The following ARHGAP6 variants were observed in gnomAD, a reference collection of about 807,000 sequenced individuals.
The protein encoded by ARHGAP6 is Rho GTPase activating protein 6.
Under a neutral mutation model 55.7 loss-of-function variants are expected in ARHGAP6, and 16 were observed. The ratio of observed to expected loss-of-function variants is 0.29; its 90% confidence interval spans 0.19 to 0.44. ARHGAP6 has a LOEUF of 0.44. Among genes scored for constraint, ARHGAP6 ranks in the 20% least tolerant of loss-of-function variants. The pLI, the probability that ARHGAP6 is intolerant of heterozygous loss-of-function variation, is 1.00. For missense variants in ARHGAP6, 698 were observed against 808.9 expected (o/e 0.86, Z 1.66); for synonymous variants, 382 against 360.9 (o/e 1.06, Z -0.66).
At chrX:11,535,434 T>G (rs1470154267) in intron 1 of ARHGAP6, among the ~76,000 whole-genome samples, 1 of 112,213 alleles carries the variant, frequency 8.9e-6, no homozygotes, top group African/African-American at 3.2e-5. Context: ...AACCAACATC[T>G]ACTGAAGAGC....
At chrX:11,174,530 C>CTTCT (rs2046143292) in intron 8 of ARHGAP6, among the ~76,000 whole-genome samples, 1 of 55,373 alleles carries the variant, frequency 1.8e-5, no homozygotes, top group Admixed American at 2.0e-4. Context: ...TCCTTCCTTC[C>CTTCT]TTCCTTCCTT....
intron 1 of ARHGAP6, among the ~76,000 whole-genome samples, chrX:11,619,851 G>C (rs1212960858): frequency 3.6e-5 from 4 of 111,521 alleles, no homozygotes; most frequent in Non-Finnish European, 5.7e-5. Flanking sequence ...AAAGGGCTGG[G>C]GTAGGTTCCA....
At chrX:11,190,398 C>T (rs1490894825) in intron 3 of ARHGAP6, among the ~76,000 whole-genome samples, 1 of 104,282 alleles carries the variant, frequency 9.6e-6, no homozygotes, top group Non-Finnish European at 2.0e-5. Context: ...GCTGTGTCTA[C>T]TACTAGCAAA....
intron 1 of ARHGAP6, among the ~76,000 whole-genome samples, chrX:11,464,322 T>C (rs2050273105): frequency 8.9e-6 from 1 of 112,468 alleles, no homozygotes; most frequent in Non-Finnish European, 1.9e-5. Flanking sequence ...TGAGCTTTTC[T>C]TGATCGGCAT....
intron 1 of ARHGAP6, among the ~76,000 whole-genome samples, chrX:11,328,207 A>G (rs1245359055): frequency 8.9e-6 from 1 of 112,244 alleles, no homozygotes; most frequent in East Asian, 2.8e-4. Flanking sequence ...TGAACTTTGC[A>G]CATACATCTC....
chrX:11,600,347 C>T (rs5979431), intron 1 of ARHGAP6, among the ~76,000 whole-genome samples: 20,274 of 111,593 alleles, frequency 0.18, 1,524 homozygotes, highest in African/African-American at 0.26. Flanking sequence ...GAAACACTCT[C>T]GCATTCTATT....
rs538307775 is a variant in ARHGAP6 at position 11,357,502 on chromosome X, T to C, written c.589-102795A>G. 5.4e-5 allele frequency among the ~76,000 whole-genome samples: 6 copies of C among 111,963 alleles called. No homozygotes were observed. In the South Asian group the frequency reaches 2.2e-3, roughly 42 times the overall value. On this transcript the variant is annotated intron_variant, in intron 1 of 12. Coordinates refer to ENST00000337414, the MANE Select transcript of ARHGAP6 (RefSeq NM_013427.3). ...GGGAAACTTACATCCTACACTCTTA[T>C]GATTTGGCTCATGGCTTTATTGTTC...
intron 1 of ARHGAP6, among the ~76,000 whole-genome samples, chrX:11,477,466 A>T (rs2050415074): frequency 8.9e-6 from 1 of 111,827 alleles, no homozygotes; most frequent in Non-Finnish European, 1.9e-5. Context: ...AAAGTTAAAC[A>T]TACGCTTACC....
intron 1 of ARHGAP6, among the ~76,000 whole-genome samples, chrX:11,441,552 C>A (rs1483543000): frequency 9.0e-6 from 1 of 111,574 alleles, no homozygotes; most frequent in Non-Finnish European, 1.9e-5. Flanking sequence ...TCCCCCAACT[C>A]AACTGTCCTC....
chrX:11,394,861 A>C (rs890926549), intron 1 of ARHGAP6, among the ~76,000 whole-genome samples: 2 of 111,989 alleles, frequency 1.8e-5, no homozygotes, highest in African/African-American at 6.5e-5. Context: ...GCATCTGAAC[A>C]ACTATCAGGA....
intron 1 of ARHGAP6, among the ~76,000 whole-genome samples, chrX:11,491,417 T>C (rs1603230310): frequency 1.9e-5 from 2 of 106,390 alleles, no homozygotes. Context: ...CCTGTTTCCA[T>C]GTGTTCTCAT....
intron 1 of ARHGAP6, among the ~76,000 whole-genome samples, chrX:11,547,331 T>C (rs2051221470): frequency 1.8e-5 from 2 of 112,318 alleles, no homozygotes; most frequent in Admixed American, 9.4e-5. Flanking sequence ...TGAATGTGCA[T>C]AGCGATCACT....
chrX:11,346,231 C>T (rs1372602040), intron 1 of ARHGAP6, among the ~76,000 whole-genome samples: 1 of 112,004 alleles, frequency 8.9e-6, no homozygotes, highest in African/African-American at 3.3e-5. Flanking sequence ...TGGGACAAAT[C>T]CAGTCCACTG....
Position 11,139,224 on chromosome X carries a change from T to G in ARHGAP6, c.2564A>C (p.Asp855Ala). The G allele has an allele frequency of 8.3e-7, 1 of 1,201,460 alleles. No individual in the cohort carries two copies. Among genetic ancestry groups the G allele is most frequent in the Non-Finnish European group, 1.1e-6 (1 of 891,383 alleles). ...GGCCCGGCTCTGCAGCCCGGCCACA[T>G]CCAGCTCACTCTCGCTGAGGTCGTG... ...GAHDLSESEL[D>A]VAGLQSRATP... is the part of the protein sequence containing the mutation. Residue 855 changes from aspartate (D) to alanine (A), a missense_variant, in exon 13 of 13, where the codon GAT (aspartate) becomes GCT (alanine). Asp to Ala is a moderately radical substitution (Grantham distance 126). Transcript: ENST00000337414.
intron 1 of ARHGAP6, chrX:11,298,745 C>A: frequency 8.3e-7 from 1 of 1,211,451 alleles, no homozygotes; most frequent in Non-Finnish European, 1.1e-6. Context: ...CAATCCAACA[C>A]CACCAGCCAA....
intron 1 of ARHGAP6, among the ~76,000 whole-genome samples, chrX:11,362,844 C>T: frequency 9.0e-6 from 1 of 111,261 alleles, no homozygotes; most frequent in Non-Finnish European, 1.9e-5. Flanking sequence ...CTGGGATTAA[C>T]AGGCATTAGT....
chrX:11,589,675 G>A (rs1021998546), intron 1 of ARHGAP6, among the ~76,000 whole-genome samples: 1 of 111,169 alleles, frequency 9.0e-6, no homozygotes, highest in Non-Finnish European at 1.9e-5. Flanking sequence ...TTATCTAATA[G>A]GGAGCCTGAT....
intron 1 of ARHGAP6, among the ~76,000 whole-genome samples, chrX:11,513,992 T>C (rs895557081): frequency 3.7e-5 from 4 of 108,031 alleles, no homozygotes; most frequent in African/African-American, 1.4e-4. Flanking sequence ...CAAAACCCCA[T>C]CTCTACTAAA....
At position 11,236,602 on chromosome X, in the gene ARHGAP6, G is replaced by T. The variant is rs764790716; in HGVS notation, c.748+17946C>A. On this transcript the variant is annotated intron_variant, in intron 2 of 12. Coordinates refer to ENST00000337414, the MANE Select transcript of ARHGAP6 (RefSeq NM_013427.3). ...CTAACAATTTCCAAGCTCTAAATAT[G>T]CACTGGCACTGGAAGAAGTACTTTT... Among the ~76,000 whole-genome samples, 9 of 111,771 alleles carry T rather than the reference G, an allele frequency of 8.1e-5. 1 individual carries two copies. Among genetic ancestry groups the T allele is most frequent in the South Asian group, 3.8e-4 (1 of 2,626 alleles).
Sources: gnomAD v4.1 joint callset for allele counts (sites outside exome capture counted in the v4.1 genomes callset) on GRCh38, gnomAD v4.1.1 for gene constraint, MANE v1.5 for transcripts, NCBI Gene and HGNC (gene_info 2026-07-23, HGNC 2026-07-21) for gene names.